Variants in ABHD13 observed in about 807,000 individuals in gnomAD.
The protein encoded by ABHD13 is abhydrolase domain containing 13.
Under a neutral mutation model 25.2 loss-of-function variants are expected in ABHD13, and 7 were observed. That is an observed-to-expected ratio of 0.28 (90% CI 0.16 to 0.52). ABHD13 has a LOEUF of 0.52. ABHD13 is among the 20% of genes least tolerant of loss of function. The probability of loss-of-function intolerance (pLI) is 0.96; values close to 1 mark genes in which losing one functional copy is unlikely to be tolerated. For missense variants in ABHD13, 302 were observed against 402.7 expected, an observed-to-expected ratio of 0.75 and a Z score of 2.14; for synonymous variants, 133 against 136.1, an observed-to-expected ratio of 0.98 and a Z score of 0.16.
At position 108,230,649 on chromosome 13, in the gene ABHD13, A is replaced by G. The variant is rs1182235022; in HGVS notation, c.*417A>G. On this transcript the variant is annotated 3_prime_UTR_variant, in exon 2 of 2. Transcript: ENST00000375898. ...TAAGCAAACTTAGTTCTGTAACTGC[A>G]TTTTTCACCTTAAAAGTTAAATGAA... 1 of 171,096 alleles carries G rather than the reference A, an allele frequency of 5.8e-6. No homozygotes were observed. 10.6% of individuals were successfully genotyped at this position (171,096 alleles called of 1,614,324 possible).
chr13:108,227,267 C>CT (rs1318859945), intron 1 of ABHD13, among the ~76,000 whole-genome samples: 2 of 151,564 alleles, frequency 1.3e-5, no homozygotes, highest in South Asian at 2.1e-4. Context: ...GCTCAGAATA[C>CT]TTTTTTTAAA....
At position 108,229,928 on chromosome 13, in the gene ABHD13, A is replaced by G; in HGVS notation, c.710A>G (p.Tyr237Cys). ...STLFSFFPMR[Y>C]LPLWCYKNKF... ...TTATTTTCATTCTTTCCGATGCGTT[A>G]CCTTCCTTTATGGTGCTACAAAAAT... Residue 237 changes from tyrosine to cysteine, a missense_variant, in exon 2 of 2, where the codon TAC (tyrosine) becomes TGC (cysteine). By Grantham distance (194) the Tyr-to-Cys change is radical. Transcript: ENST00000375898. This position sits in a 1 kb window ranked among gnomAD's most constrained non-coding sequence, Gnocchi z 4.7. 6.2e-7 allele frequency: 1 copy of G among 1,613,264 alleles called. No individual in the cohort carries two copies. Among genetic ancestry groups the G allele is most frequent in the Non-Finnish European group, 8.5e-7 (1 of 1,179,472 alleles).
chr13:108,229,159 T>C lies in ABHD13; in HGVS notation c.-20-40T>C, dbSNP rs1041406623. 3.5e-6 allele frequency: 5 copies of C among 1,414,446 alleles called. No individual in the cohort carries two copies. The African/African-American group carries it at 7.2e-5, about 20-fold the overall frequency. The allele number at this position is 1,414,446 out of a possible 1,614,324, so 87.6% of individuals were successfully genotyped here. ...TATTGTGGATTTTTAAAAGAATAGATAGACGTTGAATTATTGATATTCTCC... is the reference window on the plus strand; with the variant it reads ...TATTGTGGATTTTTAAAAGAATAGACAGACGTTGAATTATTGATATTCTCC... On this transcript the variant is annotated intron_variant, in intron 1 of 1. Transcript: ENST00000375898. This position sits in a 1 kb window ranked among gnomAD's most constrained non-coding sequence, Gnocchi z 4.7.
At chr13:108,221,499 G>C (rs906586915) in intron 1 of ABHD13, among the ~76,000 whole-genome samples, 7 of 152,128 alleles carry the variant, frequency 4.6e-5, no homozygotes, top group Admixed American at 2.0e-4. Context: ...TTCTCTGCTG[G>C]GATGTGGATG....
rs189025266 is a variant in ABHD13 at position 108,230,142 on chromosome 13, C to G, written c.924C>G (p.Phe308Leu). ...HNDTWQCQGY[F>L]TALEQFIKEV... ...ACACATGGCAGTGCCAAGGCTATTT[C>G]ACTGCACTTGAACAGTTCATCAAAG... The change falls in exon 2 of 2, where the codon TTC (phenylalanine) becomes TTG (leucine). Residue 308 changes from phenylalanine (F) to leucine (L), a missense_variant. Phe to Leu is a conservative substitution (Grantham distance 22). Coordinates refer to ENST00000375898, the MANE Select transcript of ABHD13 (RefSeq NM_032859.3). 1.9e-6 allele frequency: 3 copies of G among 1,613,016 alleles called. No individual in the cohort carries two copies. The African/African-American group carries it at 4.0e-5, about 22-fold the overall frequency.
At chr13:108,221,111 C>T (rs760120044) in intron 1 of ABHD13, among the ~76,000 whole-genome samples, 3 of 152,210 alleles carry the variant, frequency 2.0e-5, no homozygotes, top group Non-Finnish European at 4.4e-5. Context: ...TTTGAGCTAT[C>T]TGCTCATACA....
In ABHD13 at chr13:108,230,117, A is replaced by C; in HGVS notation, c.899A>C (p.Asp300Ala). The change falls in exon 2 of 2, where the codon GAC becomes GCC. Residue 300 changes from aspartate (D) to alanine (A), a missense_variant. Transcript: ENST00000375898. Reference sequence around the variant, plus strand: ...ATTTTTCCAGATGGGACTCACAATGACACATGGCAGTGCCAAGGCTATTTC... The same window carrying C: ...ATTTTTCCAGATGGGACTCACAATGCCACATGGCAGTGCCAAGGCTATTTC... Reference protein sequence around the residue: ...LAIFPDGTHNDTWQCQGYFTA... With the variant: ...LAIFPDGTHNATWQCQGYFTA... 6.2e-7 allele frequency: 1 copy of C among 1,613,186 alleles called. No homozygotes were observed. The highest frequency in any genetic ancestry group is 8.5e-7 in the Non-Finnish European group (1 of 1,179,356).
At position 108,230,114 on chromosome 13, in the gene ABHD13, A is replaced by G. The variant is rs766302360; in HGVS notation, c.896A>G (p.Asn299Ser). The G allele has an allele frequency of 2.5e-6, 4 of 1,613,192 alleles. No homozygotes were observed. Among genetic ancestry groups the G allele is most frequent in the East Asian group, 2.2e-5 (1 of 44,864 alleles). The change falls in exon 2 of 2, where the codon AAT becomes AGT. Residue 299 changes from asparagine (N) to serine (S), a missense_variant. By Grantham distance (46) the Asn-to-Ser change is conservative (BLOSUM62 1). Coordinates refer to ENST00000375898, the MANE Select transcript of ABHD13 (RefSeq NM_032859.3). ...GCCATTTTTCCAGATGGGACTCACA[A>G]TGACACATGGCAGTGCCAAGGCTAT... is the stretch of plus-strand genomic sequence containing the variant. Reference protein sequence around the residue: ...RLAIFPDGTHNDTWQCQGYFT... With the variant: ...RLAIFPDGTHSDTWQCQGYFT...
In ABHD13 at chr13:108,227,388, A is replaced by G. The variant is rs182314405; in HGVS notation, c.-20-1811A>G. Among the ~76,000 whole-genome samples the G allele has an allele frequency of 1.3e-4, 20 of 152,210 alleles. No homozygotes were observed. The East Asian group carries it at 3.1e-3, about 24-fold the overall frequency. On this transcript the variant is annotated intron_variant, in intron 1 of 1. Coordinates refer to ENST00000375898, the MANE Select transcript of ABHD13 (RefSeq NM_032859.3). The stretch of plus-strand genomic sequence containing the variant: ...AGAGATGCAATAGTGAAAAAGAGAT[A>G]TACAATTCCTAGTCTTATAAATTTT...
Position 108,231,685 on chromosome 13 carries a change from C to G in ABHD13, c.*1453C>G, listed in dbSNP as rs1011394123. ...ACATATAATATTTTGAATATTTTAG[C>G]TATATTTAGTGGCTTTCTGCAAGCA... On this transcript the variant is annotated 3_prime_UTR_variant, in exon 2 of 2. Coordinates refer to ENST00000375898, the MANE Select transcript of ABHD13 (RefSeq NM_032859.3). The G allele has an allele frequency of 6.0e-6, 1 of 166,472 alleles. No individual in the cohort carries two copies. Among genetic ancestry groups the G allele is most frequent in the Non-Finnish European group, 1.5e-5 (1 of 67,896 alleles). 10.3% of individuals were successfully genotyped at this position (166,472 alleles called of 1,614,324 possible). A position where few individuals can be genotyped will look rare whatever the true frequency, so the allele number is the denominator to read the frequency against.
At chr13:108,221,994 T>C (rs978346093) in intron 1 of ABHD13, among the ~76,000 whole-genome samples, 69 of 152,218 alleles carry the variant, frequency 4.5e-4, no homozygotes, top group African/African-American at 1.6e-3. Flanking sequence ...CGCGCCACCA[T>C]GCCCGGCTAA....
intron 1 of ABHD13, among the ~76,000 whole-genome samples, chr13:108,226,027 C>T (rs1024543240): frequency 4.6e-5 from 7 of 152,250 alleles, no homozygotes; most frequent in African/African-American, 1.7e-4. Flanking sequence ...AGGTGTTTTA[C>T]CACATGGGAC....
chr13:108,225,423 C>T (rs1879653847), intron 1 of ABHD13, among the ~76,000 whole-genome samples: 1 of 152,056 alleles, frequency 6.6e-6, no homozygotes, highest in Non-Finnish European at 1.5e-5. Context: ...TGGAAAATGC[C>T]TGCTTTTCGG....
intron 1 of ABHD13, among the ~76,000 whole-genome samples, chr13:108,227,883 A>T (rs976201730): frequency 6.6e-6 from 1 of 152,050 alleles, no homozygotes; most frequent in African/African-American, 2.4e-5. Flanking sequence ...AATCAGAAAA[A>T]TGTTGGTTTA....
rs1879814550 is a variant in ABHD13, at chr13:108,231,978, T to C, written c.*1746T>C. On this transcript the variant is annotated 3_prime_UTR_variant, in exon 2 of 2. Transcript: ENST00000375898. Reference sequence around the variant, plus strand: ...TAAATTCACCACAATTAAAGATTATTCTTGTCAGTCCTTGCTATGTAGAAT... The same window carrying C: ...TAAATTCACCACAATTAAAGATTATCCTTGTCAGTCCTTGCTATGTAGAAT... The C allele has an allele frequency of 6.0e-6, 1 of 166,870 alleles. No homozygotes were observed. The allele number at this position is 166,870 out of a possible 1,614,324, so 10.3% of individuals were successfully genotyped here.
At chr13:108,222,770 C>A (rs1879595694) in intron 1 of ABHD13, among the ~76,000 whole-genome samples, 1 of 152,132 alleles carries the variant, frequency 6.6e-6, no homozygotes, top group Non-Finnish European at 1.5e-5. Context: ...TACATACTCA[C>A]ATAAATAAAA....
intron 1 of ABHD13, among the ~76,000 whole-genome samples, chr13:108,226,064 A>G (rs1459542782): frequency 6.6e-6 from 1 of 152,212 alleles, no homozygotes; most frequent in Non-Finnish European, 1.5e-5. Flanking sequence ...CTCATTCTTC[A>G]TGACTAGTAG....
At chr13:108,221,873 G>A (rs1449332552) in intron 1 of ABHD13, among the ~76,000 whole-genome samples, 1 of 149,628 alleles carries the variant, frequency 6.7e-6, no homozygotes, top group African/African-American at 2.5e-5. Context: ...TAGTCTCACT[G>A]TGTCACCCAG....
In ABHD13 at chr13:108,230,181, C is replaced by G; in HGVS notation, c.963C>G (p.Ser321Arg). ...LEQFIKEVVKSHSPEEMAKTS... is the reference protein window; with the variant it reads ...LEQFIKEVVKRHSPEEMAKTS... ...AGTTCATCAAAGAAGTCGTAAAGAG[C>G]CATTCTCCTGAAGAAATGGCAAAAA... The change falls in exon 2 of 2, where the codon AGC becomes AGG. Residue 321 changes from serine (S) to arginine (R), a missense_variant. Transcript: ENST00000375898. The G allele has an allele frequency of 6.2e-7, 1 of 1,608,286 alleles. No homozygotes were observed.
Sources: gnomAD v4.1 joint callset for allele counts (sites outside exome capture counted in the v4.1 genomes callset) on GRCh38, gnomAD v4.1.1 for gene constraint, Gnocchi (gnomAD v3.1) non-coding constraint, MANE v1.5 for transcripts, NCBI Gene and HGNC (gene_info 2026-07-23, HGNC 2026-07-21) for gene names.